Variants in ABCG1 observed in about 807,000 individuals in gnomAD.
The protein encoded by ABCG1 is ATP-binding cassette sub-family G member 1.
In ABCG1, 29 loss-of-function variants were observed where a neutral mutation model predicts 69.2. The ratio of observed to expected loss-of-function variants is 0.42; its 90% CI spans 0.31 to 0.57. The LOEUF (loss-of-function observed/expected upper bound fraction) is 0.57. Ranked by LOEUF, ABCG1 falls within the 20% of genes least tolerant of loss-of-function variation. The pLI is 0.15. For missense variants in ABCG1, 718 were observed against 898.1 expected (o/e 0.80, Z 2.56); for synonymous variants, 370 against 374.8 (o/e 0.99, Z 0.15).
At chr21:42,221,051 TTG>T (rs1475725183) in intron 1 of ABCG1, 3 of 152,230 alleles carry the variant, frequency 2.0e-5, no homozygotes, top group Non-Finnish European at 4.4e-5. Flanking sequence ...CTCAACTGTC[TTG>T]TTATCACGTG....
chr21:42,280,779 C>T lies in ABCG1; in HGVS notation c.589-1495C>T, dbSNP rs578261972. 2.0e-5 allele frequency among the ~76,000 whole-genome samples: 3 copies of T among 152,348 alleles called. No homozygotes were observed. The South Asian group carries it at 6.2e-4, about 32-fold the overall frequency. ...GGCCCCCACAGTGAGCCTGGAAGCA[C>T]CAGAGCCACTCAGTCGGCCAAGAGC... On this transcript the variant is annotated intron_variant, in intron 5 of 14. Transcript: ENST00000398449.
At chr21:42,251,870 C>T (rs930805238) in intron 2 of ABCG1, among the ~76,000 whole-genome samples, 4 of 152,220 alleles carry the variant, frequency 2.6e-5, no homozygotes, top group African/African-American at 9.7e-5. Flanking sequence ...AAAGTCCTTG[C>T]TTTACTTTAC....
chr21:42,267,866 C>G lies in ABCG1; in HGVS notation c.287-3204C>G, dbSNP rs545802970. Among the ~76,000 whole-genome samples the G allele has an allele frequency of 3.2e-3, 423 of 132,046 alleles. 4 individuals are homozygous for G. The highest frequency in any genetic ancestry group is 0.011 in the African/African-American group (379 of 34,956). 86.6% of individuals were successfully genotyped at this position (132,046 alleles called of 152,430 possible). A position where few individuals can be genotyped will look rare whatever the true frequency, so the allele number is the denominator to read the frequency against. On this transcript the variant is annotated intron_variant, in intron 2 of 14. Coordinates refer to ENST00000398449, the MANE Select transcript of ABCG1 (RefSeq NM_016818.3). Reference sequence around the variant, plus strand: ...GGTTCTGTCTGGGTCTGATCTGGGTCTGGTCTGGGTTCTGTCTGGGTGTGG... The same window carrying G: ...GGTTCTGTCTGGGTCTGATCTGGGTGTGGTCTGGGTTCTGTCTGGGTGTGG...
At chr21:42,238,782 G>A in intron 2 of ABCG1, among the ~76,000 whole-genome samples, 1 of 152,198 alleles carries the variant, frequency 6.6e-6, no homozygotes, top group East Asian at 1.9e-4. Flanking sequence ...GGTCATGACT[G>A]AAAATTGAGG....
At chr21:42,239,872 C>T (rs186456456) in intron 2 of ABCG1, among the ~76,000 whole-genome samples, 44 of 152,346 alleles carry the variant, frequency 2.9e-4, no homozygotes, top group African/African-American at 1.0e-3. Context: ...GTCACGTGGC[C>T]TCTGCAGAAT....
chr21:42,279,222 G>T (rs2123761208), intron 5 of ABCG1, among the ~76,000 whole-genome samples: 1 of 152,252 alleles, frequency 6.6e-6, no homozygotes, highest in East Asian at 1.9e-4. Flanking sequence ...AGTGGTCACT[G>T]ATGCTCGGCG....
Position 42,291,017 on chromosome 21 carries a change from A to T in ABCG1, c.1394-75A>T. On this transcript the variant is annotated intron_variant, in intron 11 of 14. Coordinates refer to ENST00000398449, the MANE Select transcript of ABCG1 (RefSeq NM_016818.3). This position sits in a 1 kb window ranked among gnomAD's most constrained non-coding sequence, Gnocchi z 6.4. ...TGGGTTACCAGCCGCTCAGCTCAAG[A>T]TCGCCTGTTGGGATGTTAAACGGGC... is the stretch of plus-strand genomic sequence containing the variant. 1 of 1,104,372 alleles carries T rather than the reference A, an allele frequency of 9.1e-7. No homozygotes were observed. The highest frequency in any genetic ancestry group is 1.4e-6 in the Non-Finnish European group (1 of 729,770). The allele number at this position is 1,104,372 out of a possible 1,614,324, so 68.4% of individuals were successfully genotyped here.
chr21:42,259,654 C>G, intron 2 of ABCG1: 3 of 1,427,546 alleles, frequency 2.1e-6, no homozygotes, highest in Admixed American at 2.9e-5. Flanking sequence ...GTTGCTAGAG[C>G]CACGTGTTTG....
At chr21:42,275,826 T>C (rs796959078) in intron 4 of ABCG1, among the ~76,000 whole-genome samples, 4 of 152,380 alleles carry the variant, frequency 2.6e-5, no homozygotes, top group African/African-American at 4.8e-5. Context: ...GGAGGAGATA[T>C]TGGCCGCCCG....
At chr21:42,205,597 CAAA>C (rs538097170) in intron 2 of ABCG1, among the ~76,000 whole-genome samples, 1 of 117,684 alleles carries the variant, frequency 8.5e-6, no homozygotes. Flanking sequence ...GACTCCATCT[CAAA>C]AAAAAAAAAA....
At chr21:42,200,589 T>C (rs866553236) in intron 1 of ABCG1, among the ~76,000 whole-genome samples, 1 of 142,936 alleles carries the variant, frequency 7.0e-6, no homozygotes, top group South Asian at 2.2e-4. Flanking sequence ...AATACTTTTA[T>C]GTTGCACTTT....
In ABCG1 at chr21:42,250,100, T is replaced by C. The variant is rs1037623607; in HGVS notation, c.287-20970T>C. 2.8e-5 allele frequency among the ~76,000 whole-genome samples: 4 copies of C among 143,774 alleles called. No individual in the cohort carries two copies. In the South Asian group the frequency reaches 6.7e-4, roughly 24 times the overall value. The allele number at this position is 143,774 out of a possible 152,430, so 94.3% of individuals were successfully genotyped here. ...GTCTTGGGTCACGTGTGAACACATA[T>C]GGGGGTGCAGGGGGAGGGGGCGTTT... On this transcript the variant is annotated intron_variant, in intron 2 of 14. Transcript: ENST00000398449.
upstream of ABCG1, among the ~76,000 whole-genome samples, chr21:42,218,221 G>T (rs188048293): frequency 6.6e-6 from 1 of 152,300 alleles, no homozygotes; most frequent in East Asian, 1.9e-4. Context: ...GAAAAGAAAT[G>T]CATTCCTGTT....
intron 7 of ABCG1, 55 bp from the exon 8 acceptor site, chr21:42,285,825 G>T: frequency 3.3e-6 from 4 of 1,230,522 alleles, no homozygotes; most frequent in Non-Finnish European, 4.8e-6. Flanking sequence ...GAGGGCTCCG[G>T]TTGCCTTCCG....
At chr21:42,205,074 C>T (rs568463344) in intron 2 of ABCG1, among the ~76,000 whole-genome samples, 1 of 150,466 alleles carries the variant, frequency 6.6e-6, no homozygotes, top group African/African-American at 2.4e-5. Flanking sequence ...AGTTATGAGA[C>T]TATTCAAATA....
At chr21:42,259,338 G>A in intron 2 of ABCG1, 1 of 1,549,796 alleles carries the variant, frequency 6.5e-7, no homozygotes, top group Non-Finnish European at 8.7e-7. Flanking sequence ...TGTACAGGTG[G>A]CAGCTTTAGC....
At chr21:42,224,887 C>T (rs553947836) in intron 1 of ABCG1, among the ~76,000 whole-genome samples, 2 of 152,054 alleles carry the variant, frequency 1.3e-5, no homozygotes, top group East Asian at 3.9e-4. Flanking sequence ...GCTTTAAAAG[C>T]CAATGGTAGC....
intron 2 of ABCG1, 54 bp downstream of exon 2, chr21:42,225,968 C>G: frequency 1.3e-6 from 2 of 1,582,742 alleles, no homozygotes; most frequent in Admixed American, 1.8e-5. Flanking sequence ...CTGAAGGAGG[C>G]AACAGGTTGT....
intron 2 of ABCG1, among the ~76,000 whole-genome samples, chr21:42,238,174 C>A (rs1818133151): frequency 6.6e-6 from 1 of 152,184 alleles, no homozygotes; most frequent in South Asian, 2.1e-4. Context: ...AGTCTGTGAG[C>A]AGTAACTTAC....
Sources: gnomAD v4.1 joint callset for allele counts (sites outside exome capture counted in the v4.1 genomes callset) on GRCh38, gnomAD v4.1.1 for gene constraint, Gnocchi (gnomAD v3.1) non-coding constraint, MANE v1.5 for transcripts, NCBI Gene and HGNC (gene_info 2026-07-23, HGNC 2026-07-21) for gene names.